Variants in NIPBL observed in about 807,000 individuals in gnomAD.
NIPBL encodes the protein NIPBL cohesin loading factor.
In NIPBL, 19 loss-of-function variants were observed where a neutral mutation model predicts 321.8. The observed-to-expected ratio is 0.06, with a 90% CI of 0.04 to 0.09. NIPBL has a LOEUF of 0.09. NIPBL is among the 10% of genes least tolerant of loss of function. The probability of loss-of-function intolerance (pLI) is 1.00; values close to 1 mark genes in which losing one functional copy is unlikely to be tolerated. For missense variants in NIPBL, 2,210 were observed against 3,327.0 expected (o/e 0.66, Z 8.26); for synonymous variants, 1,106 against 1,114.1 (o/e 0.99, Z 0.14).
chr5:37,017,044 C>A lies in NIPBL; in HGVS notation c.4802C>A (p.Thr1601Lys). ...LLVHQFSNKS[T>K]EMALRVASLD... ...GTTCATCAGTTCAGTAACAAGTCAA[C>A]AGAGATGGCTTTAAGAGTGGCATCT... Residue 1601 changes from threonine to lysine, a missense_variant, in exon 24 of 47, where the codon ACA (threonine) becomes AAA (lysine). Physicochemically the swap from Thr to Lys is moderately conservative, Grantham distance 78. This residue lies in a region of NIPBL where 28 missense variants were observed against 91.3 expected (regional missense o/e 0.31). Transcript: ENST00000282516. 1 of 1,610,100 alleles carries A rather than the reference C, an allele frequency of 6.2e-7. No homozygotes were observed. The highest frequency in any genetic ancestry group is 8.5e-7 in the Non-Finnish European group (1 of 1,177,540).
At chr5:36,943,061 T>C (rs1046269357) in intron 1 of NIPBL, among the ~76,000 whole-genome samples, 1 of 152,176 alleles carries the variant, frequency 6.6e-6, no homozygotes, top group Non-Finnish European at 1.5e-5. Context: ...ATTTTTGTTG[T>C]ATTTTTTATT....
chr5:37,016,207 G>A (rs761062876), intron 23 of NIPBL, 37 bp downstream of exon 23: 3 of 1,593,968 alleles, frequency 1.9e-6, no homozygotes, highest in Non-Finnish European at 2.6e-6. Context: ...TAGATTACTA[G>A]AAGACAACAT....
chr5:36,940,935 G>A (rs1210078428), intron 1 of NIPBL, among the ~76,000 whole-genome samples: 1 of 152,106 alleles, frequency 6.6e-6, no homozygotes, highest in African/African-American at 2.4e-5. Context: ...GTTTCGTAGT[G>A]ATTATTCATC....
At chr5:36,961,343 C>A in intron 4 of NIPBL, 141 bp from the exon 5 acceptor site, 2 of 643,430 alleles carry the variant, frequency 3.1e-6, no homozygotes, top group Admixed American at 2.6e-5. Context: ...AGTTTTACAG[C>A]GTCTATATTT....
At chr5:37,013,781 A>T (rs1309296747) in intron 21 of NIPBL, among the ~76,000 whole-genome samples, 1 of 150,404 alleles carries the variant, frequency 6.6e-6, no homozygotes. Context: ...CCAGGCGGAG[A>T]TGCTCCTCAC....
In NIPBL at chr5:37,022,367, G is replaced by A; in HGVS notation, c.5551G>A (p.Asp1851Asn). 6.2e-7 allele frequency: 1 copy of A among 1,609,608 alleles called. No individual in the cohort carries two copies. Among genetic ancestry groups the A allele is most frequent in the Non-Finnish European group, 8.5e-7 (1 of 1,176,660 alleles). ...ACCTCAGCTTGCTGAACAGTATTAT[G>A]ATATGCTGATTGAAAGAATATTGGT... is the stretch of plus-strand genomic sequence containing the variant. ...CRPQLAEQYY[D>N]MLIERILDTG... is the part of the protein sequence containing the mutation. The change falls in exon 29 of 47, where the codon GAT becomes AAT. Residue 1851 changes from aspartate to asparagine, a missense_variant. Asp to Asn is a conservative substitution (Grantham distance 23). Around this residue, in one of 14 missense-constraint regions of NIPBL, gnomAD observed 49 missense variants for 163.6 expected, o/e 0.30. Transcript: ENST00000282516.
chr5:37,016,785 T>C (rs1172738721), intron 23 of NIPBL, among the ~76,000 whole-genome samples: 7 of 152,156 alleles, frequency 4.6e-5, no homozygotes, highest in African/African-American at 7.2e-5. Context: ...GCCTGCATAT[T>C]TAATGAGTTG....
At chr5:37,003,532 C>T (rs1747066263) in intron 16 of NIPBL, among the ~76,000 whole-genome samples, 185 bp downstream of exon 16, 1 of 151,960 alleles carries the variant, frequency 6.6e-6, no homozygotes, top group African/African-American at 2.4e-5. Context: ...TAATCTCTTC[C>T]CATGCCTAAT....
chr5:37,040,510 A>C (rs1752218034), intron 34 of NIPBL, among the ~76,000 whole-genome samples: 1 of 152,154 alleles, frequency 6.6e-6, no homozygotes. Context: ...TGGTAATCTC[A>C]CATTACCTGG....
intron 1 of NIPBL, among the ~76,000 whole-genome samples, chr5:36,935,268 T>G (rs1750071097): frequency 6.6e-6 from 1 of 152,122 alleles, no homozygotes; most frequent in African/African-American, 2.4e-5. Context: ...TTCTTTTTCC[T>G]CTCCTGAAAA....
intron 1 of NIPBL, among the ~76,000 whole-genome samples, chr5:36,880,109 T>G (rs1386295128): frequency 1.5e-5 from 2 of 135,078 alleles, no homozygotes; most frequent in Non-Finnish European, 3.2e-5. Context: ...TTCTTCATAG[T>G]AATCATTATT....
intron 40 of NIPBL, 32 bp from the exon 41 acceptor site, chr5:37,051,747 T>C: frequency 6.8e-7 from 1 of 1,460,402 alleles, no homozygotes; most frequent in Non-Finnish European, 9.6e-7. Flanking sequence ...TTTACTACCA[T>C]GATATCTCGT....
intron 1 of NIPBL, among the ~76,000 whole-genome samples, chr5:36,927,248 G>T: frequency 6.6e-6 from 1 of 152,064 alleles, no homozygotes; most frequent in South Asian, 2.1e-4. Context: ...TATAAGTATT[G>T]TTTTCTCAAG....
chr5:37,003,366 C>T lies in NIPBL; in HGVS notation c.3855+19C>T. On this transcript the variant is annotated intron_variant, in intron 16 of 46. Transcript: ENST00000282516. Reference sequence around the variant, plus strand: ...AAATCATGTAAGTTTAAGATCCATACTGTTAATTTTACCCTTAATGTTATT... The same window carrying T: ...AAATCATGTAAGTTTAAGATCCATATTGTTAATTTTACCCTTAATGTTATT... The T allele has an allele frequency of 1.4e-6, 2 of 1,432,354 alleles. No homozygotes were observed. Among genetic ancestry groups the T allele is most frequent in the Non-Finnish European group, 2.0e-6 (2 of 1,016,070 alleles). The allele number at this position is 1,432,354 out of a possible 1,614,324, so 88.7% of individuals were successfully genotyped here. A position where few individuals can be genotyped will look rare whatever the true frequency, so the allele number is the denominator to read the frequency against.
At chr5:36,998,774 T>A (rs1254068074) in intron 11 of NIPBL, among the ~76,000 whole-genome samples, 2 of 152,182 alleles carry the variant, frequency 1.3e-5, no homozygotes, top group Non-Finnish European at 2.9e-5. Context: ...CCTGTTTCTC[T>A]GTCACACATA....
intron 1 of NIPBL, among the ~76,000 whole-genome samples, chr5:36,948,291 ATGTTG>A (rs1193006616): frequency 2.0e-5 from 3 of 151,956 alleles, no homozygotes; most frequent in African/African-American, 7.2e-5. Flanking sequence ...TAGAAATAGT[ATGTTG>A]TGTTGGGTGC....
Position 36,929,264 on chromosome 5 carries a change from CT to C in NIPBL, c.-79-24346del, listed in dbSNP as rs558667618. 9.9e-5 allele frequency among the ~76,000 whole-genome samples: 15 copies of C among 151,932 alleles called. No homozygotes were observed. The South Asian group carries it at 1.0e-3, about 11-fold the overall frequency. On this transcript the variant is annotated intron_variant, in intron 1 of 46. Transcript: ENST00000282516. Reference sequence around the variant, plus strand: ...ACCTAATGACTAATGATACTGAGCACTTTTTTTTATATGTTTATAAGCCATT... The same window carrying C: ...ACCTAATGACTAATGATACTGAGCACTTTTTTTATATGTTTATAAGCCATT...
intron 1 of NIPBL, among the ~76,000 whole-genome samples, chr5:36,940,261 A>G (rs968329538): frequency 6.6e-6 from 1 of 152,128 alleles, no homozygotes; most frequent in African/African-American, 2.4e-5. Context: ...AAACTAAGCA[A>G]TTTTTAAGTG....
chr5:37,050,479 CAAAAAAA>C (rs370627067), intron 40 of NIPBL, among the ~76,000 whole-genome samples: 1 of 82,206 alleles, frequency 1.2e-5, no homozygotes, highest in Non-Finnish European at 2.5e-5. Flanking sequence ...GACTCCATCT[CAAAAAAA>C]AAAAAAAAAA....
Sources: allele counts gnomAD v4.1 joint callset (sites outside exome capture counted in the v4.1 genomes callset), GRCh38; gene constraint gnomAD v4.1.1; regional missense constraint gnomAD v4.1.1; transcripts MANE v1.5; gene names NCBI Gene and HGNC (gene_info 2026-07-23, HGNC 2026-07-21).